The following IGSF11 variants were observed in gnomAD, a reference collection of about 807,000 sequenced individuals.
The protein encoded by IGSF11 is immunoglobulin superfamily member 11.
IGSF11 carries 22 observed loss-of-function variants against 41.0 expected under a neutral mutation model. The observed-to-expected ratio is 0.54, with a 90% CI of 0.38 to 0.77. The LOEUF is 0.77. IGSF11 is among the 30% of genes least tolerant of loss of function. The pLI is 0.00. For synonymous variants in IGSF11, 219 were observed against 201.3 expected (o/e 1.09, Z -0.74); for missense variants, 444 against 530.8 (o/e 0.84, Z 1.61).
chr3:119,073,079 G>T (rs2076428466), intron 1 of IGSF11, among the ~76,000 whole-genome samples: 1 of 152,050 alleles, frequency 6.6e-6, no homozygotes, highest in African/African-American at 2.4e-5. Flanking sequence ...TACAAACCTT[G>T]AGCTAGACAG....
intron 1 of IGSF11, among the ~76,000 whole-genome samples, chr3:118,937,731 C>T (rs1943386040): frequency 6.6e-6 from 1 of 152,106 alleles, no homozygotes; most frequent in Admixed American, 6.6e-5. Flanking sequence ...GGCAAGCTAC[C>T]ATAAAATTAT....
rs1171212481 is a variant in IGSF11, at chr3:118,930,265, T to C, written c.63A>G (p.Ala21=). Residue 21 remains alanine (A), a synonymous_variant, in exon 2 of 7, where the codon GCA becomes GCG. Transcript: ENST00000393775. ...LLLLSLHGVA[A]SLEVSESPGS... Reference sequence around the variant, plus strand: ...CAGGGCTCTCTGACACTTCCAGGGATGCTGCAACACCTACAGAAGAAGGAA... The same window carrying C: ...CAGGGCTCTCTGACACTTCCAGGGACGCTGCAACACCTACAGAAGAAGGAA... 6.2e-7 allele frequency: 1 copy of C among 1,612,844 alleles called. No individual in the cohort carries two copies. Among genetic ancestry groups the C allele is most frequent in the Non-Finnish European group, 8.5e-7 (1 of 1,179,336 alleles).
In IGSF11 at chr3:118,930,769, A is replaced by G. The variant is rs186590212; in HGVS notation, c.53-494T>C. Among the ~76,000 whole-genome samples the G allele has an allele frequency of 9.5e-4, 145 of 152,354 alleles. 1 individual carries two copies. Among genetic ancestry groups the G allele is most frequent in the African/African-American group, 3.3e-3 (137 of 41,592 alleles). ...ATAAATGCAGAGATATGTAACGTTC[A>G]TGAACTGGGAGAGTCAATCTTAAGA... On this transcript the variant is annotated intron_variant, in intron 1 of 6. Transcript: ENST00000393775.
chr3:119,075,691 G>A (rs936488481), intron 1 of IGSF11, among the ~76,000 whole-genome samples: 1 of 152,166 alleles, frequency 6.6e-6, no homozygotes, highest in African/African-American at 2.4e-5. Context: ...ATCAATAAAT[G>A]TGATTCATCA....
intron 1 of IGSF11, among the ~76,000 whole-genome samples, chr3:119,057,993 C>A (rs536590633): frequency 7.0e-4 from 107 of 152,214 alleles, no homozygotes; most frequent in Middle Eastern, 6.8e-3. Context: ...TAAAGACTTA[C>A]ATGTTAGACC....
intron 1 of IGSF11, among the ~76,000 whole-genome samples, chr3:119,002,085 C>T (rs1936954721): frequency 7.6e-6 from 1 of 130,928 alleles, no homozygotes; most frequent in Non-Finnish European, 1.6e-5. Flanking sequence ...TACAGTCCCA[C>T]CAACAGTGTA....
At chr3:119,122,071 AG>A (rs2077340812) in intron 1 of IGSF11, among the ~76,000 whole-genome samples, 1 of 152,236 alleles carries the variant, frequency 6.6e-6, no homozygotes, top group African/African-American at 2.4e-5. Flanking sequence ...TACACAAAAA[AG>A]TACATTCATA....
At chr3:119,054,933 C>A (rs576439364) in intron 1 of IGSF11, among the ~76,000 whole-genome samples, 3 of 152,148 alleles carry the variant, frequency 2.0e-5, no homozygotes, top group Non-Finnish European at 4.4e-5. Context: ...CCCCCAAGTA[C>A]GGGCGGACTG....
intron 1 of IGSF11, among the ~76,000 whole-genome samples, chr3:119,049,231 T>C (rs961855467): frequency 1.5e-4 from 22 of 151,476 alleles, no homozygotes; most frequent in African/African-American, 2.4e-4. Flanking sequence ...GATGACATGA[T>C]TGTATATCTA....
At chr3:119,057,816 C>T (rs189994677) in intron 1 of IGSF11, among the ~76,000 whole-genome samples, 36 of 152,304 alleles carry the variant, frequency 2.4e-4, no homozygotes, top group Admixed American at 3.9e-4. Context: ...AGAAATAACG[C>T]TGCATATCTA....
At chr3:119,014,485 A>C (rs566304670) in intron 1 of IGSF11, among the ~76,000 whole-genome samples, 16 of 152,320 alleles carry the variant, frequency 1.1e-4, no homozygotes, top group African/African-American at 3.1e-4. Flanking sequence ...TATTTTATTG[A>C]GATGGAAAGA....
rs117233877 is a variant in IGSF11 at position 119,073,623 on chromosome 3, C to T, written c.49+31521G>A. 5.5e-3 allele frequency among the ~76,000 whole-genome samples: 839 copies of T among 152,298 alleles called. 43 individuals carry two copies. The East Asian group carries it at 0.12, about 22-fold the overall frequency. On this transcript the variant is annotated intron_variant, in intron 1 of 6. Coordinates refer to the IGSF11 transcript ENST00000354673. Reference sequence around the variant, plus strand: ...CCGGCAGTGCTGGGGGCCCGGCGCACGCTCTGCAGTTGCTGGCCCAGGTGC... The same window carrying T: ...CCGGCAGTGCTGGGGGCCCGGCGCATGCTCTGCAGTTGCTGGCCCAGGTGC...
chr3:118,957,870 C>G (rs1945072860), intron 1 of IGSF11, among the ~76,000 whole-genome samples: 1 of 152,182 alleles, frequency 6.6e-6, no homozygotes, highest in African/African-American at 2.4e-5. Context: ...GCATTCCTTT[C>G]TTTGCCTCCA....
At chr3:118,988,891 A>G (rs1030088974) in intron 1 of IGSF11, among the ~76,000 whole-genome samples, 2 of 152,200 alleles carry the variant, frequency 1.3e-5, no homozygotes, top group African/African-American at 4.8e-5. Context: ...TACAACATTA[A>G]TATCTCTACT....
chr3:119,109,647 G>T (rs1473394052), upstream of IGSF11, among the ~76,000 whole-genome samples: 1 of 152,042 alleles, frequency 6.6e-6, no homozygotes, highest in South Asian at 2.1e-4. Context: ...GAATGTATTT[G>T]CTCTTGCTTG....
At chr3:119,102,656 ACCT>A (rs2076955606) in intron 1 of IGSF11, among the ~76,000 whole-genome samples, 1 of 151,592 alleles carries the variant, frequency 6.6e-6, no homozygotes, top group African/African-American at 2.4e-5. Context: ...TATATATTGG[ACCT>A]CCTCATCTTT....
At chr3:119,004,647 A>T (rs796363197) in intron 1 of IGSF11, among the ~76,000 whole-genome samples, 3 of 147,414 alleles carry the variant, frequency 2.0e-5, no homozygotes, top group African/African-American at 7.7e-5. Flanking sequence ...TGTCCCAGAG[A>T]TTCTGGTATG....
intron 4 of IGSF11, among the ~76,000 whole-genome samples, chr3:118,918,984 AC>A (rs2107509292): frequency 8.6e-6 from 1 of 116,882 alleles, no homozygotes; most frequent in African/African-American, 5.1e-5. Context: ...TCTTTGACAA[AC>A]CTGAGAAAAA....
intron 1 of IGSF11, among the ~76,000 whole-genome samples, chr3:119,072,213 A>C (rs536383927): frequency 2.0e-5 from 3 of 152,232 alleles, no homozygotes; most frequent in Non-Finnish European, 4.4e-5. Flanking sequence ...CAAGCAAATG[A>C]TCCTGAGCTA....
Sources: allele counts gnomAD v4.1 joint callset (sites outside exome capture counted in the v4.1 genomes callset), GRCh38; gene constraint gnomAD v4.1.1; transcripts MANE v1.5; gene names NCBI Gene and HGNC (gene_info 2026-07-23, HGNC 2026-07-21).